The following MIR2052HG variants were observed in gnomAD, a reference collection of about 807,000 sequenced individuals.
The protein encoded by MIR2052HG is MIR2052 host gene.
At chr8:74,602,815 G>GTGTT (rs1808022317) in intron 1 of MIR2052HG, among the ~76,000 whole-genome samples, 6 of 22,524 alleles carry the variant, frequency 2.7e-4, no homozygotes, top group Non-Finnish European at 4.9e-4. Context: ...ATGCCCGGCC[G>GTGTT]TGTTTCTTTC....
chr8:74,617,863 A>G (rs191935611), intron 2 of MIR2052HG, among the ~76,000 whole-genome samples: 1 of 152,164 alleles, frequency 6.6e-6, no homozygotes, highest in Non-Finnish European at 1.5e-5. Context: ...CCTTGCCAAC[A>G]TCTATTGTTT....
intron 4 of MIR2052HG, among the ~76,000 whole-genome samples, chr8:74,734,186 C>T (rs1172393229): frequency 4.6e-5 from 1 of 21,770 alleles, no homozygotes; most frequent in Non-Finnish European, 7.7e-5. Flanking sequence ...TGGTCAGTGG[C>T]TTGGGGTTAG....
rs191935611 is a variant in MIR2052HG at position 74,617,863 on chromosome 8, A to T, written n.216+4923A>T. On this transcript the variant is annotated intron_variant and non_coding_transcript_variant, in intron 2 of 6. Transcript: ENST00000523442. ...CCATTTTCTCCACATCCTTGCCAAC[A>T]TCTATTGTTTTGGACTTTTTAGTAA... Among the ~76,000 whole-genome samples, 15 of 152,282 alleles carry T rather than the reference A, an allele frequency of 9.9e-5. 1 individual carries two copies. In the East Asian group the frequency reaches 2.9e-3, roughly 29 times the overall value.
exon 5 of MIR2052HG, chr8:74,752,483 C>G (rs1464953662): frequency 2.2e-6 from 1 of 456,004 alleles, no homozygotes; most frequent in Admixed American, 2.4e-5. Context: ...ATTCTCCAAA[C>G]TCATTAACTT....
chr8:74,679,438 G>A (rs1809094391), intron 2 of MIR2052HG, among the ~76,000 whole-genome samples: 1 of 151,724 alleles, frequency 6.6e-6, no homozygotes, highest in Admixed American at 6.6e-5. Flanking sequence ...TCCTTTTTAT[G>A]GCTAAGTAGT....
At chr8:74,720,681 A>G (rs1234522576) in intron 4 of MIR2052HG, among the ~76,000 whole-genome samples, 1 of 152,152 alleles carries the variant, frequency 6.6e-6, no homozygotes, top group Non-Finnish European at 1.5e-5. Context: ...GTGGTATATT[A>G]ATCCATTTTC....
At chr8:74,648,782 G>A (rs1808721970) in intron 2 of MIR2052HG, among the ~76,000 whole-genome samples, 1 of 151,894 alleles carries the variant, frequency 6.6e-6, no homozygotes, top group Admixed American at 6.6e-5. Context: ...AATACTGCAA[G>A]GAAGACAATA....
chr8:74,696,781 ACT>A (rs57020652), intron 2 of MIR2052HG, among the ~76,000 whole-genome samples: 2,733 of 151,932 alleles, frequency 0.018, 67 homozygotes, highest in African/African-American at 0.062. Context: ...AGAAATAAAA[ACT>A]CTGAACAGAC....
At chr8:74,643,923 T>C (rs1380180533) in intron 2 of MIR2052HG, among the ~76,000 whole-genome samples, 1 of 152,246 alleles carries the variant, frequency 6.6e-6, no homozygotes, top group African/African-American at 2.4e-5. Flanking sequence ...TAGAACAGAC[T>C]TTTATCACAG....
At chr8:74,679,723 G>A (rs1809099205) in intron 2 of MIR2052HG, among the ~76,000 whole-genome samples, 1 of 151,638 alleles carries the variant, frequency 6.6e-6, no homozygotes, top group Admixed American at 6.6e-5. Context: ...TTTTGTTTTA[G>A]TAGAGATGGG....
intron 4 of MIR2052HG, among the ~76,000 whole-genome samples, chr8:74,739,807 CTG>C (rs1809807394): frequency 6.6e-6 from 1 of 152,054 alleles, no homozygotes; most frequent in Non-Finnish European, 1.5e-5. Context: ...CAAAAAAACT[CTG>C]TGTGTGCATG....
At chr8:74,674,563 CAT>C (rs1194820510) in intron 2 of MIR2052HG, among the ~76,000 whole-genome samples, 1 of 151,910 alleles carries the variant, frequency 6.6e-6, no homozygotes, top group African/African-American at 2.4e-5. Flanking sequence ...AATAAAGAAT[CAT>C]GAGAGAATTT....
chr8:74,702,257 T>C (rs1280132223), intron 2 of MIR2052HG: 2 of 202,614 alleles, frequency 9.9e-6, no homozygotes, highest in African/African-American at 2.3e-5. Context: ...AGGTCTTCCA[T>C]GTGAAAGCGA....
intron 4 of MIR2052HG, among the ~76,000 whole-genome samples, chr8:74,731,027 C>T (rs116240405): frequency 6.6e-6 from 1 of 151,998 alleles, no homozygotes; most frequent in Admixed American, 6.6e-5. Flanking sequence ...TGGAAAGTCC[C>T]CAAAGTGTCC....
chr8:74,706,719 G>T (rs183122066), intron 4 of MIR2052HG, among the ~76,000 whole-genome samples: 2 of 152,162 alleles, frequency 1.3e-5, no homozygotes, highest in Non-Finnish European at 1.5e-5. Context: ...TTAACCAATT[G>T]TAAAAATAAG....
chr8:74,602,854 T>TTTCTTTCC (rs1808034349), intron 1 of MIR2052HG, among the ~76,000 whole-genome samples: 1 of 144,504 alleles, frequency 6.9e-6, no homozygotes, highest in Admixed American at 7.0e-5. Context: ...TCTTTCTTTC[T>TTTCTTTCC]TTCTTTCTTT....
chr8:74,613,054 G>A (rs184764227), intron 2 of MIR2052HG: 13 of 373,046 alleles, frequency 3.5e-5, no homozygotes, highest in Non-Finnish European at 5.4e-5. Flanking sequence ...AAGGGAGAGC[G>A]TTGCTGATGA....
chr8:74,751,435 C>G (rs1431722015), intron 4 of MIR2052HG, among the ~76,000 whole-genome samples: 1 of 152,092 alleles, frequency 6.6e-6, no homozygotes, highest in Admixed American at 6.6e-5. Flanking sequence ...GTTTGACTTT[C>G]AAAGTTAGAT....
chr8:74,688,787 T>G (rs929691589), intron 2 of MIR2052HG, among the ~76,000 whole-genome samples: 2 of 152,186 alleles, frequency 1.3e-5, no homozygotes, highest in African/African-American at 2.4e-5. Context: ...GAACCCAATT[T>G]GTCGCCTTTT....
Sources: gnomAD v4.1 joint callset for allele counts (sites outside exome capture counted in the v4.1 genomes callset) on GRCh38, gnomAD v4.1.1 for gene constraint, MANE v1.5 for transcripts, NCBI Gene and HGNC (gene_info 2026-07-23, HGNC 2026-07-21) for gene names.